The following LIMA1 variants were observed in gnomAD, a reference collection of about 807,000 sequenced individuals.
LIMA1 encodes LIM domain and actin-binding protein 1.
A neutral mutation model predicts 62.6 loss-of-function variants in LIMA1; 52 were observed. The ratio of observed to expected loss-of-function variants is 0.83; its 90% CI spans 0.67 to 1.05. The LOEUF (loss-of-function observed/expected upper bound fraction) is 1.05. LIMA1 is among the 50% of genes least tolerant of loss of function. The probability of loss-of-function intolerance (pLI) is 0.00; values close to 1 mark genes in which losing one functional copy is unlikely to be tolerated. For synonymous variants in LIMA1, 302 were observed against 317.8 expected (o/e 0.95, Z 0.53); for missense variants, 780 against 902.2 (o/e 0.86, Z 1.74).
chr12:50,178,964 A>ATTT (rs555323460), intron 10 of LIMA1, among the ~76,000 whole-genome samples: 27 of 92,238 alleles, frequency 2.9e-4, no homozygotes, highest in East Asian at 8.9e-4. Context: ...ATATATATAT[A>ATTT]TATTTTTTTT....
intron 2 of LIMA1, among the ~76,000 whole-genome samples, chr12:50,247,174 C>T (rs76521736): frequency 0.014 from 2,112 of 151,766 alleles, 46 homozygotes; most frequent in African/African-American, 0.049. Flanking sequence ...TTAAAATGTC[C>T]AAAAAATTCT....
intron 1 of LIMA1, among the ~76,000 whole-genome samples, chr12:50,258,202 T>C (rs1942022172): frequency 6.6e-6 from 1 of 152,212 alleles, no homozygotes; most frequent in African/African-American, 2.4e-5. Flanking sequence ...CTACTAGTTA[T>C]GCTCATTGCC....
intron 2 of LIMA1, among the ~76,000 whole-genome samples, chr12:50,232,961 T>C (rs1177268263): frequency 1.3e-5 from 2 of 152,222 alleles, no homozygotes; most frequent in Admixed American, 1.3e-4. Flanking sequence ...CACTCTAGCC[T>C]AGGTGACGGA....
chr12:50,188,754 G>GGGGA (rs1940688099), intron 9 of LIMA1: 1 of 152,216 alleles, frequency 6.6e-6, no homozygotes, highest in Non-Finnish European at 1.5e-5. Flanking sequence ...GAACTTGAGT[G>GGGGA]GGGAGGGATC....
intron 6 of LIMA1, among the ~76,000 whole-genome samples, chr12:50,202,707 T>C (rs1488410380): frequency 1.3e-5 from 2 of 152,194 alleles, no homozygotes; most frequent in African/African-American, 4.8e-5. Context: ...CCCAGAGAAT[T>C]AGTCCACCAA....
intron 7 of LIMA1, among the ~76,000 whole-genome samples, chr12:50,199,344 A>G (rs1365937218): frequency 5.9e-5 from 9 of 151,926 alleles, no homozygotes; most frequent in Non-Finnish European, 1.5e-5. Context: ...ACAAACAAAC[A>G]ATCCCTGTAA....
chr12:50,191,580 G>C (rs942708006), intron 9 of LIMA1, among the ~76,000 whole-genome samples: 4 of 152,078 alleles, frequency 2.6e-5, no homozygotes, highest in Non-Finnish European at 5.9e-5. Flanking sequence ...CCAGCACTTT[G>C]GGAGGCCAAG....
chr12:50,279,608 T>C (rs1942314580), intron 1 of LIMA1, among the ~76,000 whole-genome samples: 1 of 151,614 alleles, frequency 6.6e-6, no homozygotes, highest in African/African-American at 2.4e-5. Flanking sequence ...ATCATGGGAG[T>C]AAGTGGTTAG....
At chr12:50,208,148 G>C (rs1941187328) in intron 4 of LIMA1, among the ~76,000 whole-genome samples, 1 of 151,978 alleles carries the variant, frequency 6.6e-6, no homozygotes, top group Non-Finnish European at 1.5e-5. Context: ...AGGAGTTTGA[G>C]ACCAGCTTGG....
intron 1 of LIMA1, among the ~76,000 whole-genome samples, chr12:50,276,804 A>C (rs1027565889): frequency 2.0e-5 from 3 of 151,942 alleles, no homozygotes; most frequent in Non-Finnish European, 4.4e-5. Context: ...CTGGAGGAGG[A>C]GGCTAGAGTG....
chr12:50,271,125 G>C (rs958172229), intron 1 of LIMA1, among the ~76,000 whole-genome samples: 2 of 151,518 alleles, frequency 1.3e-5, no homozygotes, highest in Admixed American at 6.6e-5. Flanking sequence ...CTGACTTTGG[G>C]CCAGGTGCTG....
At chr12:50,192,619 T>C (rs1294542878) in intron 8 of LIMA1, 58 bp from the exon 9 acceptor site, 1 of 1,370,708 alleles carries the variant, frequency 7.3e-7, no homozygotes. Flanking sequence ...TCTTGGAAAG[T>C]GTTCTTCCGA....
intron 1 of LIMA1, among the ~76,000 whole-genome samples, chr12:50,253,893 T>C (rs1941960253): frequency 6.6e-6 from 1 of 151,904 alleles, no homozygotes; most frequent in South Asian, 2.1e-4. Flanking sequence ...CCAGGCATGG[T>C]GGCAGGCGCC....
intron 4 of LIMA1, among the ~76,000 whole-genome samples, chr12:50,211,331 CAA>C (rs34045758): frequency 4.3e-4 from 36 of 83,226 alleles, no homozygotes; most frequent in Middle Eastern, 0.011. Context: ...CCCACCCCCC[CAA>C]AAAAAAAAAA....
intron 1 of LIMA1, among the ~76,000 whole-genome samples, chr12:50,283,187 G>T (rs1388574502): frequency 8.6e-5 from 13 of 151,542 alleles, no homozygotes; most frequent in Admixed American, 8.5e-4. Flanking sequence ...GGTATTTGCA[G>T]CTCCCGCCCT....
chr12:50,185,512 A>G (rs1253922352), intron 9 of LIMA1: 4 of 455,194 alleles, frequency 8.8e-6, no homozygotes, highest in Non-Finnish European at 1.8e-5. Flanking sequence ...GGAGAGCTTT[A>G]CTGCAGCTGA....
In LIMA1 at chr12:50,195,091, T is replaced by C. The variant is rs374433312; in HGVS notation, c.1030+739A>G. 1.8e-4 allele frequency among the ~76,000 whole-genome samples: 27 copies of C among 151,744 alleles called. No individual in the cohort carries two copies. In the East Asian group the frequency reaches 4.7e-3, roughly 26 times the overall value. On this transcript the variant is annotated intron_variant, in intron 8 of 10. Coordinates refer to ENST00000341247, the MANE Select transcript of LIMA1 (RefSeq NM_016357.5). ...GGTGGTGTGTGCCTGTAGTCCTAGC[T>C]ATTTGGGAGGCTGAGGTGGGAGGAC...
At chr12:50,261,040 ATATTTTT>A (rs2087218108) in intron 1 of LIMA1, among the ~76,000 whole-genome samples, 1 of 48,896 alleles carries the variant, frequency 2.0e-5, no homozygotes, top group African/African-American at 1.0e-4. Context: ...GCCATCTAGT[ATATTTTT>A]TTTTTTTTTT....
chr12:50,216,040 C>CAAA (rs5798134), intron 4 of LIMA1, among the ~76,000 whole-genome samples: 1 of 143,306 alleles, frequency 7.0e-6, no homozygotes, highest in East Asian at 2.1e-4. Context: ...GAGGCTGTCT[C>CAAA]AAAAAAAAAA....
Sources: gnomAD v4.1 joint callset for allele counts (sites outside exome capture counted in the v4.1 genomes callset) on GRCh38, gnomAD v4.1.1 for gene constraint, MANE v1.5 for transcripts, NCBI Gene and HGNC (gene_info 2026-07-23, HGNC 2026-07-21) for gene names.